Variants in TRPC7 observed in about 807,000 individuals in gnomAD.
TRPC7 encodes the protein transient receptor potential cation channel subfamily C member 7.
TRPC7 carries 42 observed loss-of-function variants against 90.1 expected under a neutral mutation model. The ratio of observed to expected loss-of-function variants is 0.47; its 90% CI spans 0.36 to 0.60. The LOEUF (loss-of-function observed/expected upper bound fraction) is 0.60, where lower values mean the gene tolerates loss of function less well. Ranked by LOEUF, TRPC7 falls within the 20% of genes least tolerant of loss-of-function variation. TRPC7 has a pLI of 0.00. For synonymous variants in TRPC7, 451 were observed against 436.3 expected (o/e 1.03, Z -0.42); for missense variants, 955 against 1,112.3 (o/e 0.86, Z 2.01).
At chr5:136,323,037 C>G (rs530978249) in intron 2 of TRPC7, among the ~76,000 whole-genome samples, 3 of 152,140 alleles carry the variant, frequency 2.0e-5, no homozygotes, top group Non-Finnish European at 4.4e-5. Context: ...CTTGTAGCTC[C>G]CATAGTTCCC....
At chr5:136,258,519 C>T (rs979449916) in intron 5 of TRPC7, among the ~76,000 whole-genome samples, 1 of 152,164 alleles carries the variant, frequency 6.6e-6, no homozygotes, top group African/African-American at 2.4e-5. Flanking sequence ...GGCAAAATTT[C>T]CCTCACTCAG....
At chr5:136,248,030 G>C (rs913562741) in intron 6 of TRPC7, among the ~76,000 whole-genome samples, 1 of 143,556 alleles carries the variant, frequency 7.0e-6, no homozygotes, top group Non-Finnish European at 1.5e-5. Context: ...CCCCCACCAC[G>C]GGCTGGGCAG....
chr5:136,299,826 C>T (rs1389254631), intron 3 of TRPC7, among the ~76,000 whole-genome samples: 1 of 152,138 alleles, frequency 6.6e-6, no homozygotes, highest in Non-Finnish European at 1.5e-5. Flanking sequence ...CCACTTTGGG[C>T]TAGTAAATGC....
At chr5:136,232,644 A>G (rs1175172718) in intron 7 of TRPC7, among the ~76,000 whole-genome samples, 1 of 152,238 alleles carries the variant, frequency 6.6e-6, no homozygotes, top group African/African-American at 2.4e-5. Flanking sequence ...CTACGAAGTA[A>G]CTGAAATACA....
intron 3 of TRPC7, among the ~76,000 whole-genome samples, chr5:136,287,330 T>C (rs1909544): frequency 0.52 from 78,037 of 151,134 alleles, 20,667 homozygotes; most frequent in African/African-American, 0.64. Context: ...TGCAGGCTTT[T>C]TGGGGGGATT....
chr5:136,284,357 G>A (rs35574843), intron 3 of TRPC7, among the ~76,000 whole-genome samples: 13,033 of 152,130 alleles, frequency 0.086, 726 homozygotes, highest in Non-Finnish European at 0.13. Context: ...TAATGGGCTG[G>A]GTCAATTTTG....
intron 3 of TRPC7, chr5:136,314,484 C>T (rs948625075): frequency 2.9e-4 from 44 of 152,174 alleles, no homozygotes; most frequent in African/African-American, 9.9e-4. Context: ...TCTCAAAGGC[C>T]ACCTTTCCCA....
At chr5:136,264,632 GC>G (rs1561693149) in intron 5 of TRPC7, among the ~76,000 whole-genome samples, 1 of 151,158 alleles carries the variant, frequency 6.6e-6, no homozygotes, top group Admixed American at 6.6e-5. Flanking sequence ...TTGCTCTGTC[GC>G]CCAGGCTGGA....
chr5:136,249,945 C>G (rs1326859575), intron 6 of TRPC7, among the ~76,000 whole-genome samples: 1 of 152,198 alleles, frequency 6.6e-6, no homozygotes, highest in African/African-American at 2.4e-5. Context: ...ACCGCAAATA[C>G]AAGAGCAATA....
chr5:136,305,020 C>T (rs1188318604), intron 3 of TRPC7, among the ~76,000 whole-genome samples: 2 of 140,320 alleles, frequency 1.4e-5, no homozygotes, highest in South Asian at 2.3e-4. Context: ...GCTCAACTCA[C>T]TCTCTACATT....
At chr5:136,283,164 T>C (rs1375566100) in intron 3 of TRPC7, among the ~76,000 whole-genome samples, 1 of 152,228 alleles carries the variant, frequency 6.6e-6, no homozygotes. Context: ...GGGCGAACTT[T>C]CTTCTGCAGT....
chr5:136,328,733 T>C (rs1446631788), intron 2 of TRPC7, among the ~76,000 whole-genome samples: 2 of 152,230 alleles, frequency 1.3e-5, no homozygotes, highest in African/African-American at 4.8e-5. Flanking sequence ...TTGACCAATA[T>C]TATGATGACC....
intron 3 of TRPC7, among the ~76,000 whole-genome samples, chr5:136,276,413 G>A (rs1177894340): frequency 6.6e-6 from 1 of 152,154 alleles, no homozygotes; most frequent in African/African-American, 2.4e-5. Context: ...GAGTATTAAG[G>A]GGACATATAC....
chr5:136,266,396 G>A lies in TRPC7; in HGVS notation c.1169C>T (p.Ala390Val). 1 of 1,613,806 alleles carries A rather than the reference G, an allele frequency of 6.2e-7. No homozygotes were observed. Residue 390 changes from alanine to valine, a missense_variant, in exon 5 of 12, where the codon GCT (alanine) becomes GTT (valine). This residue lies in a region of TRPC7 where 484 missense variants were observed against 509.6 expected (regional missense o/e 0.95). Coordinates refer to ENST00000513104, the MANE Select transcript of TRPC7 (RefSeq NM_020389.3). ...GAAGATTGTAAAAGAAACTGCATGA[G>A]CTACAAACTTCATGAAAGGGCTCCT... ...TLRSPFMKFV[A>V]HAVSFTIFLG...
intron 2 of TRPC7, among the ~76,000 whole-genome samples, chr5:136,344,658 T>A (rs1254394127): frequency 6.6e-6 from 1 of 152,010 alleles, no homozygotes; most frequent in East Asian, 1.9e-4. Context: ...GTGGGTCTTC[T>A]GGGGATTAGT....
chr5:136,325,116 A>G (rs562916287), intron 2 of TRPC7, among the ~76,000 whole-genome samples: 52 of 152,340 alleles, frequency 3.4e-4, no homozygotes, highest in African/African-American at 1.2e-3. Flanking sequence ...AGTGTTTAAA[A>G]CATTTTAATT....
intron 7 of TRPC7, among the ~76,000 whole-genome samples, chr5:136,243,229 T>C (rs780778073): frequency 1.1e-4 from 17 of 151,996 alleles, no homozygotes; most frequent in Non-Finnish European, 2.2e-4. Context: ...AGAGCTCATA[T>C]GAAAAAGCTC....
intron 7 of TRPC7, among the ~76,000 whole-genome samples, chr5:136,240,756 T>C (rs1401200858): frequency 6.6e-6 from 1 of 152,196 alleles, no homozygotes; most frequent in East Asian, 1.9e-4. Flanking sequence ...CTCTATGATC[T>C]TGGGCAAGTC....
chr5:136,270,039 TTC>T (rs949793871), intron 4 of TRPC7, among the ~76,000 whole-genome samples: 4 of 152,218 alleles, frequency 2.6e-5, no homozygotes, highest in African/African-American at 9.6e-5. Flanking sequence ...TTGTTTTGAC[TTC>T]TTTCTAAAAA....
Sources: allele counts gnomAD v4.1 joint callset (sites outside exome capture counted in the v4.1 genomes callset), GRCh38; gene constraint gnomAD v4.1.1; regional missense constraint gnomAD v4.1.1; transcripts MANE v1.5; gene names NCBI Gene and HGNC (gene_info 2026-07-23, HGNC 2026-07-21).